Variants in DSCC1 observed in about 807,000 individuals in gnomAD.
The protein encoded by DSCC1 is DNA replication and sister chromatid cohesion 1.
A neutral mutation model predicts 48.2 loss-of-function variants in DSCC1; 32 were observed. That is an observed-to-expected ratio of 0.66 (90% CI 0.50 to 0.89). The LOEUF is 0.89. Among genes scored for constraint, DSCC1 ranks in the 40% least tolerant of loss-of-function variants. The pLI, the probability that DSCC1 is intolerant of heterozygous loss-of-function variation, is 0.00. For missense variants in DSCC1, 421 were observed against 471.7 expected (o/e 0.89, Z 1.00); for synonymous variants, 150 against 171.5 (o/e 0.87, Z 0.98).
intron 1 of DSCC1, among the ~76,000 whole-genome samples, 194 bp downstream of exon 1, chr8:119,855,420 T>A (rs1197756418): frequency 6.6e-6 from 1 of 152,198 alleles, no homozygotes. Flanking sequence ...GCTGGACCAG[T>A]GCTACTCATC....
In DSCC1 at chr8:119,853,300, C is replaced by T. The variant is rs184916013; in HGVS notation, c.183-85G>A. Reference sequence around the variant, plus strand: ...ATAAACAGTTCTCAAACCCTCTAGGCTTGCAGAACTTAGAATTAAGTTTTG... The same window carrying T: ...ATAAACAGTTCTCAAACCCTCTAGGTTTGCAGAACTTAGAATTAAGTTTTG... On this transcript the variant is annotated intron_variant, in intron 1 of 8. Coordinates refer to ENST00000313655, the MANE Select transcript of DSCC1 (RefSeq NM_024094.3). 913 of 1,309,036 alleles carry T rather than the reference C, an allele frequency of 7.0e-4. 7 individuals carry two copies. The African/African-American group carries it at 0.014, about 20-fold the overall frequency. 81.1% of individuals were successfully genotyped at this position (1,309,036 alleles called of 1,614,324 possible). A position where few individuals can be genotyped will look rare whatever the true frequency, so the allele number is the denominator to read the frequency against.
Position 119,853,205 on chromosome 8 carries a change from G to A in DSCC1, c.193C>T (p.Arg65Cys), listed in dbSNP as rs147478586. Reference sequence around the variant, plus strand: ...ACAGCTTGCTCGTCTTTATCACCACGAATCACAAGACTGTAGCAAAATGGG... The same window carrying A: ...ACAGCTTGCTCGTCTTTATCACCACAAATCACAAGACTGTAGCAAAATGGG... ...QLEDGHSLVI[R>C]GDKDEQAVLC... The change falls in exon 2 of 9, where the codon CGT (arginine) becomes TGT (cysteine). Residue 65 changes from arginine (R) to cysteine (C), a missense_variant. Physicochemically the swap from Arg to Cys is radical, Grantham distance 180 (BLOSUM62 -3). Around this residue, in one of 3 missense-constraint regions of DSCC1, gnomAD observed 174 missense variants for 184.5 expected, o/e 0.94. Coordinates refer to ENST00000313655, the MANE Select transcript of DSCC1 (RefSeq NM_024094.3). 1.5e-5 allele frequency: 24 copies of A among 1,607,010 alleles called. No individual in the cohort carries two copies. The highest frequency in any genetic ancestry group is 2.2e-5 in the East Asian group (1 of 44,718).
At chr8:119,837,427 T>C (rs529541692) in intron 8 of DSCC1, among the ~76,000 whole-genome samples, 127 of 152,228 alleles carry the variant, frequency 8.3e-4, no homozygotes, top group African/African-American at 2.9e-3. Flanking sequence ...ACTGCTTCTA[T>C]GTTCTGAAAA....
chr8:119,846,905 C>G (rs554059242), intron 4 of DSCC1, 85 bp downstream of exon 4: 4 of 1,210,376 alleles, frequency 3.3e-6, no homozygotes, highest in South Asian at 1.2e-5. Context: ...ATAAACTATA[C>G]GCAGTAGGGT....
Position 119,855,850 on chromosome 8 carries a change from G to T in DSCC1, c.-55C>A. 3 of 1,409,074 alleles carry T rather than the reference G, an allele frequency of 2.1e-6. No homozygotes were observed. The highest frequency in any genetic ancestry group is 1.9e-6 in the Non-Finnish European group (2 of 1,081,072). The allele number at this position is 1,409,074 out of a possible 1,614,324, so 87.3% of individuals were successfully genotyped here. A position where few individuals can be genotyped will look rare whatever the true frequency, so the allele number is the denominator to read the frequency against. On this transcript the variant is annotated 5_prime_UTR_variant, in exon 1 of 9. Transcript: ENST00000313655. ...GCCCGGGTGGCTGCGGGCTTGGCGGGCAAGAAAGAAGTTCCCAAGCAGCCG... is the reference window on the plus strand; with the variant it reads ...GCCCGGGTGGCTGCGGGCTTGGCGGTCAAGAAAGAAGTTCCCAAGCAGCCG...
In DSCC1 at chr8:119,838,314, T is replaced by G; in HGVS notation, c.1018A>C (p.Ser340Arg). The G allele has an allele frequency of 6.2e-7, 1 of 1,610,080 alleles. No homozygotes were observed. The highest frequency in any genetic ancestry group is 8.5e-7 in the Non-Finnish European group (1 of 1,178,520). Residue 340 changes from serine to arginine, a missense_variant, in exon 8 of 9, where the codon AGC becomes CGC. By Grantham distance (110) the Ser-to-Arg change is moderately radical. Around this residue, in one of 3 missense-constraint regions of DSCC1, gnomAD observed 238 missense variants for 259.0 expected, o/e 0.92. Coordinates refer to ENST00000313655, the MANE Select transcript of DSCC1 (RefSeq NM_024094.3). ...CACTTCTCCCTTAGAGAGAAAAGGC[T>G]ATTAAAACGTTCCTGATTATCCTCA... ...LPEDNQERFN[S>R]LFSLREKWTE...
At chr8:119,847,701 T>C (rs1247451432) in intron 3 of DSCC1, among the ~76,000 whole-genome samples, 5 of 150,530 alleles carry the variant, frequency 3.3e-5, no homozygotes, top group Non-Finnish European at 7.4e-5. Context: ...GTTTCGCTCT[T>C]GTTGCCCAGG....
At chr8:119,843,439 T>TCAC (rs1394401860) in intron 5 of DSCC1, among the ~76,000 whole-genome samples, 170 bp downstream of exon 5, 1 of 152,186 alleles carries the variant, frequency 6.6e-6, no homozygotes, top group Non-Finnish European at 1.5e-5. Flanking sequence ...GCACATGTAT[T>TCAC]CACCCCAGTG....
chr8:119,845,822 GACTGTA>G (rs1009070157), intron 4 of DSCC1, among the ~76,000 whole-genome samples: 1 of 152,056 alleles, frequency 6.6e-6, no homozygotes, highest in Non-Finnish European at 1.5e-5. Flanking sequence ...GGTGGCGCAT[GACTGTA>G]ACCCCAGCTA....
intron 4 of DSCC1, among the ~76,000 whole-genome samples, chr8:119,844,068 T>C (rs1826814724): frequency 6.6e-6 from 1 of 151,584 alleles, no homozygotes; most frequent in Admixed American, 6.6e-5. Context: ...TGAGCCACCG[T>C]GCCGGCCCAA....
At chr8:119,850,878 CAAACAAAA>C (rs1267397081) in intron 2 of DSCC1, among the ~76,000 whole-genome samples, 3 of 151,852 alleles carry the variant, frequency 2.0e-5, no homozygotes, top group Non-Finnish European at 4.4e-5. Context: ...AACAAACAAA[CAAACAAAA>C]AAACAAAACA....
intron 7 of DSCC1, among the ~76,000 whole-genome samples, chr8:119,840,582 C>T (rs1162898015): frequency 6.6e-6 from 1 of 152,176 alleles, no homozygotes; most frequent in Non-Finnish European, 1.5e-5. Flanking sequence ...GACATGAATT[C>T]TGAGTTTTTT....
chr8:119,843,527 T>G (rs1437188687), intron 5 of DSCC1, 82 bp downstream of exon 5: 1 of 1,473,110 alleles, frequency 6.8e-7, no homozygotes, highest in African/African-American at 1.4e-5. Flanking sequence ...TTGTAGTTTA[T>G]GCCCTGGGTT....
At chr8:119,843,870 G>A in intron 4 of DSCC1, 123 bp from the exon 5 acceptor site, 1 of 939,750 alleles carries the variant, frequency 1.1e-6, no homozygotes, top group Non-Finnish European at 1.6e-6. Context: ...TCCACCTCCT[G>A]GTTTCAAGCA....
intron 7 of DSCC1, among the ~76,000 whole-genome samples, chr8:119,841,473 C>T (rs1826768489): frequency 1.3e-5 from 2 of 152,076 alleles, no homozygotes; most frequent in Admixed American, 1.3e-4. Flanking sequence ...AAATGAGATA[C>T]ACTGAGTAGG....
intron 1 of DSCC1, among the ~76,000 whole-genome samples, chr8:119,854,555 A>G (rs1826988527): frequency 6.6e-6 from 1 of 152,218 alleles, no homozygotes; most frequent in Non-Finnish European, 1.5e-5. Context: ...CTCTAACTGC[A>G]CTACCCCCAC....
At chr8:119,847,209 G>T (rs541196277) in intron 3 of DSCC1, 129 bp from the exon 4 acceptor site, 89 of 700,232 alleles carry the variant, frequency 1.3e-4, no homozygotes, top group African/African-American at 8.4e-4. Context: ...AGTTTCTTTT[G>T]TTAACATGTA....
At position 119,855,799 on chromosome 8, in the gene DSCC1, A is replaced by AGCGCCGGGTCTAGGAGTCCCGCC. The variant is rs1321681178; in HGVS notation, c.-27_-5dup. The AGCGCCGGGTCTAGGAGTCCCGCC allele has an allele frequency of 6.6e-7, 1 of 1,518,826 alleles. No individual in the cohort carries two copies. Among genetic ancestry groups the AGCGCCGGGTCTAGGAGTCCCGCC allele is most frequent in the Non-Finnish European group, 8.8e-7 (1 of 1,133,978 alleles). 94.1% of individuals were successfully genotyped at this position (1,518,826 alleles called of 1,614,324 possible). A position where few individuals can be genotyped will look rare whatever the true frequency, so the allele number is the denominator to read the frequency against. On this transcript the variant is annotated 5_prime_UTR_variant, in exon 1 of 9. Transcript: ENST00000313655. Reference sequence around the variant, plus strand: ...CCTCGTCGCGGGTCCTCTTCATCGCAGCGCCGGGTCTAGGAGTCCCGCCGC... The same window carrying AGCGCCGGGTCTAGGAGTCCCGCC: ...CCTCGTCGCGGGTCCTCTTCATCGCAGCGCCGGGTCTAGGAGTCCCGCCGCGCCGGGTCTAGGAGTCCCGCCGC...
At chr8:119,842,315 AT>A (rs1826784563) in intron 6 of DSCC1, among the ~76,000 whole-genome samples, 1 of 150,864 alleles carries the variant, frequency 6.6e-6, no homozygotes, top group South Asian at 2.1e-4. Flanking sequence ...ACCTCAGGTG[AT>A]CCGCACACCT....
Sources: gnomAD v4.1 joint callset for allele counts (sites outside exome capture counted in the v4.1 genomes callset) on GRCh38, gnomAD v4.1.1 for gene constraint, gnomAD v4.1.1 regional missense constraint, MANE v1.5 for transcripts, NCBI Gene and HGNC (gene_info 2026-07-23, HGNC 2026-07-21) for gene names.